The following BTRC variants were observed in gnomAD, a reference collection of about 807,000 sequenced individuals.
BTRC encodes the protein beta-transducin repeat containing E3 ubiquitin protein ligase.
In BTRC, 42 loss-of-function variants were observed where a neutral mutation model predicts 85.5. That is an observed-to-expected ratio of 0.49 (90% CI 0.38 to 0.64). BTRC has a LOEUF of 0.64. Among genes scored for constraint, BTRC ranks in the 30% least tolerant of loss-of-function variants. The pLI is 0.00. For missense variants in BTRC, 594 were observed against 743.5 expected, an observed-to-expected ratio of 0.80 and a Z score of 2.34; for synonymous variants, 255 against 263.3, an observed-to-expected ratio of 0.97 and a Z score of 0.30.
chr10:101,412,507 A>G (rs1943808813), intron 1 of BTRC, among the ~76,000 whole-genome samples: 1 of 152,206 alleles, frequency 6.6e-6, no homozygotes, highest in Non-Finnish European at 1.5e-5. Flanking sequence ...GATAAGTTTG[A>G]TACCAATTAT....
At chr10:101,511,426 T>C (rs1053504520) in intron 4 of BTRC, among the ~76,000 whole-genome samples, 8 of 152,220 alleles carry the variant, frequency 5.3e-5, no homozygotes, top group African/African-American at 1.9e-4. Flanking sequence ...TTCTTTTCTT[T>C]TTAAACATGA....
chr10:101,462,227 T>A (rs1945246211), intron 3 of BTRC, among the ~76,000 whole-genome samples, 169 bp downstream of exon 3: 1 of 152,224 alleles, frequency 6.6e-6, no homozygotes, highest in Non-Finnish European at 1.5e-5. Flanking sequence ...GTTTTCCCAG[T>A]TATTTAAAAA....
chr10:101,479,905 A>T (rs1413024317), intron 4 of BTRC, among the ~76,000 whole-genome samples: 1 of 152,080 alleles, frequency 6.6e-6, no homozygotes, highest in East Asian at 1.9e-4. Context: ...GCTTTTGTTG[A>T]TCTTGATCCA....
At chr10:101,380,587 T>G (rs567793131) in intron 1 of BTRC, among the ~76,000 whole-genome samples, 4 of 152,264 alleles carry the variant, frequency 2.6e-5, no homozygotes, top group Admixed American at 2.6e-4. Context: ...CCTCTTTTAA[T>G]TAGCAAACTT....
intron 3 of BTRC, among the ~76,000 whole-genome samples, chr10:101,477,558 C>G (rs1385674762): frequency 6.6e-6 from 1 of 152,164 alleles, no homozygotes; most frequent in African/African-American, 2.4e-5. Flanking sequence ...AAGTGATTCC[C>G]CTGCCTCGGC....
At chr10:101,530,144 A>G (rs890951809) in intron 6 of BTRC, among the ~76,000 whole-genome samples, 1 of 152,164 alleles carries the variant, frequency 6.6e-6, no homozygotes, top group Non-Finnish European at 1.5e-5. Context: ...ATACTAACAA[A>G]TGTTGCTCAC....
At chr10:101,538,205 A>G (rs983214026) in intron 12 of BTRC, 88 bp from the exon 13 acceptor site, 1 of 1,099,732 alleles carries the variant, frequency 9.1e-7, no homozygotes, top group Non-Finnish European at 1.4e-6. Context: ...CACCATCCAT[A>G]TTTATTGCCA....
At chr10:101,366,910 A>ATT (rs1942432587) in intron 1 of BTRC, among the ~76,000 whole-genome samples, 1 of 1,648 alleles carries the variant, frequency 6.1e-4, no homozygotes, top group Non-Finnish European at 7.0e-3. Context: ...ATATATATTA[A>ATT]TATATATTTA....
At chr10:101,536,086 A>G (rs1589612224) in intron 11 of BTRC, among the ~76,000 whole-genome samples, 1 of 152,240 alleles carries the variant, frequency 6.6e-6, no homozygotes, top group African/African-American at 2.4e-5. Flanking sequence ...CTGACTTTGC[A>G]TTTCTATTCT....
At position 101,526,563 on chromosome 10, in the gene BTRC, C is replaced by T. The variant is rs764612086; in HGVS notation, c.743+364C>T. 1.7e-4 allele frequency among the ~76,000 whole-genome samples: 26 copies of T among 152,300 alleles called. No homozygotes were observed. In the Middle Eastern group the frequency reaches 0.01, roughly 60 times the overall value. ...CGGAGGCCAAGGTGGGCAGATCACT[C>T]GAGGCCAGGAGTTTGAGACCAGCCT... On this transcript the variant is annotated intron_variant, in intron 6 of 14. Coordinates refer to ENST00000370187, the MANE Select transcript of BTRC (RefSeq NM_033637.4).
intron 1 of BTRC, among the ~76,000 whole-genome samples, chr10:101,418,676 T>C (rs1944013070): frequency 1.3e-5 from 2 of 152,122 alleles, no homozygotes; most frequent in Middle Eastern, 3.4e-3. Context: ...GCTGTATTGC[T>C]GTATAATTGG....
At chr10:101,531,642 A>C (rs112519582) in intron 7 of BTRC, among the ~76,000 whole-genome samples, 15,600 of 151,962 alleles carry the variant, frequency 0.1, 2,700 homozygotes, top group African/African-American at 0.36. Flanking sequence ...AATCACTTGA[A>C]CCTGGGAGGC....
At chr10:101,531,390 T>A in intron 7 of BTRC, 57 bp downstream of exon 7, 1 of 1,306,466 alleles carries the variant, frequency 7.7e-7, no homozygotes, top group African/African-American at 1.5e-5. Context: ...TCAGCATTCT[T>A]CAGTCACAGT....
At position 101,538,382 on chromosome 10, in the gene BTRC, T is replaced by C; in HGVS notation, c.1656+11T>C. 5 of 1,608,496 alleles carry C rather than the reference T, an allele frequency of 3.1e-6. No individual in the cohort carries two copies. Among genetic ancestry groups the C allele is most frequent in the Non-Finnish European group, 4.3e-6 (5 of 1,174,846 alleles). ...CTACGGACCCTTGTGGTAAGAGCCT[T>C]GCTGTTTAGAGAGCATTGGAGAGCA... On this transcript the variant is annotated intron_variant, in intron 13 of 14. Transcript: ENST00000370187.
In BTRC at chr10:101,461,661, G is replaced by A. The variant is rs527256168; in HGVS notation, c.157-320G>A. The stretch of plus-strand genomic sequence containing the variant: ...TGGTTTTAGTTGTCATCAGCTAAGT[G>A]TGGGCTGGAACTTTCTTGTATCCAG... On this transcript the variant is annotated intron_variant, in intron 2 of 14. Coordinates refer to ENST00000370187, the MANE Select transcript of BTRC (RefSeq NM_033637.4). Among the ~76,000 whole-genome samples the A allele has an allele frequency of 2.0e-5, 3 of 152,270 alleles. No homozygotes were observed. The East Asian group carries it at 5.8e-4, about 29-fold the overall frequency.
At chr10:101,401,833 ATCT>A in intron 1 of BTRC, among the ~76,000 whole-genome samples, 1 of 145,782 alleles carries the variant, frequency 6.9e-6, no homozygotes. Context: ...GCGAGACCTC[ATCT>A]CAAAAAAAAA....
Position 101,521,720 on chromosome 10 carries a change from C to G in BTRC, c.406C>G (p.Leu136Val). The G allele has an allele frequency of 1.9e-6, 3 of 1,614,188 alleles. No individual in the cohort carries two copies. In the South Asian group the frequency reaches 3.3e-5, roughly 18 times the overall value. The change falls in exon 5 of 15, where the codon CTG becomes GTG. Residue 136 changes from leucine (L) to valine (V), a missense_variant. By Grantham distance (32) the Leu-to-Val change is conservative (BLOSUM62 1). Around this residue, in one of 4 missense-constraint regions of BTRC, gnomAD observed 163 missense variants for 180.5 expected, o/e 0.90. Transcript: ENST00000370187. ...AGCAAGCTATGAAAAGGAAAAGGAA[C>G]TGTGTGTCAAATACTTTGAGCAGTG... ...LSASYEKEKE[L>V]CVKYFEQWSE...
intron 3 of BTRC, among the ~76,000 whole-genome samples, chr10:101,473,789 G>T (rs996539982): frequency 1.3e-5 from 2 of 151,574 alleles, no homozygotes; most frequent in African/African-American, 4.9e-5. Flanking sequence ...GTAGAGACAG[G>T]ATCTCACTAC....
chr10:101,372,600 C>T (rs1942670963), intron 1 of BTRC, among the ~76,000 whole-genome samples: 1 of 147,942 alleles, frequency 6.8e-6, no homozygotes, highest in Non-Finnish European at 1.5e-5. Flanking sequence ...TGCGGTGGCT[C>T]ACACCTGTAA....
Sources: allele counts gnomAD v4.1 joint callset (sites outside exome capture counted in the v4.1 genomes callset), GRCh38; gene constraint gnomAD v4.1.1; regional missense constraint gnomAD v4.1.1; transcripts MANE v1.5; gene names NCBI Gene and HGNC (gene_info 2026-07-23, HGNC 2026-07-21).